ABHD18: variants seen among roughly 807,000 people sequenced by gnomAD.
ABHD18 encodes the protein abhydrolase domain containing 18.
Under a neutral mutation model 65.9 loss-of-function variants are expected in ABHD18, and 55 were observed. The observed-to-expected ratio is 0.84, with a 90% CI of 0.67 to 1.05. ABHD18 has a LOEUF of 1.05. Ranked by LOEUF, ABHD18 falls within the 50% of genes least tolerant of loss-of-function variation. ABHD18 has a pLI of 0.00. For missense variants in ABHD18, 533 were observed against 558.5 expected, an observed-to-expected ratio of 0.95 and a Z score of 0.46; for synonymous variants, 181 against 180.2, an observed-to-expected ratio of 1.00 and a Z score of -0.04.
chr4:127,970,331 G>A (rs141956768), intron 1 of ABHD18, among the ~76,000 whole-genome samples: 4,603 of 152,150 alleles, frequency 0.03, 303 homozygotes, highest in East Asian at 0.27. Context: ...GGTGGCTCAC[G>A]CCTGTAATCC....
intron 3 of ABHD18, among the ~76,000 whole-genome samples, chr4:127,985,543 ATCT>A (rs984869019): frequency 5.3e-5 from 8 of 152,090 alleles, no homozygotes; most frequent in African/African-American, 1.4e-4. Context: ...AAATATTTTT[ATCT>A]TCTTTATTTT....
chr4:128,030,379 G>A (rs72618820), intron 11 of ABHD18, 131 bp from the exon 12 acceptor site: 19,618 of 564,390 alleles, frequency 0.035, 1,631 homozygotes, highest in East Asian at 0.3. Context: ...GATGAGTAAG[G>A]TAGCATATTA....
intron 1 of ABHD18, among the ~76,000 whole-genome samples, chr4:127,970,155 T>C (rs1030703924): frequency 1.3e-5 from 2 of 151,872 alleles, no homozygotes; most frequent in African/African-American, 4.8e-5. Context: ...AGTGCTGGGA[T>C]TGCAGATGTG....
At chr4:127,990,604 C>A (rs1750749187) in intron 4 of ABHD18, among the ~76,000 whole-genome samples, 1 of 151,724 alleles carries the variant, frequency 6.6e-6, no homozygotes, top group Non-Finnish European at 1.5e-5. Context: ...TTACAATGTA[C>A]ATGTGTTGAT....
At chr4:128,016,618 T>C (rs529305942) in intron 7 of ABHD18, among the ~76,000 whole-genome samples, 225 of 152,026 alleles carry the variant, frequency 1.5e-3, no homozygotes, top group African/African-American at 5.2e-3. Flanking sequence ...CTGCTAAAAA[T>C]ACAAAAATTA....
intron 3 of ABHD18, among the ~76,000 whole-genome samples, chr4:127,987,102 C>T (rs1179289984): frequency 1.3e-5 from 2 of 152,128 alleles, no homozygotes; most frequent in Non-Finnish European, 2.9e-5. Context: ...CCTGTAATAT[C>T]AGCACTTTGG....
At chr4:128,027,913 G>A (rs913552558) in intron 10 of ABHD18, among the ~76,000 whole-genome samples, 1 of 152,166 alleles carries the variant, frequency 6.6e-6, no homozygotes, top group African/African-American at 2.4e-5. Context: ...GCAATAAAGT[G>A]TAAGTCATTT....
chr4:127,988,381 C>T (rs904914119), intron 3 of ABHD18, among the ~76,000 whole-genome samples: 7 of 152,092 alleles, frequency 4.6e-5, no homozygotes, highest in African/African-American at 1.7e-4. Flanking sequence ...CAACCACATG[C>T]CACCACGTTC....
chr4:128,034,673 C>CA (rs1457145062), intron 12 of ABHD18, among the ~76,000 whole-genome samples: 2 of 149,836 alleles, frequency 1.3e-5, no homozygotes, highest in Non-Finnish European at 3.0e-5. Context: ...TTTTTTGAAA[C>CA]AGAGTTTCGC....
At chr4:128,007,910 C>T (rs1480610840) in intron 4 of ABHD18, among the ~76,000 whole-genome samples, 1 of 152,156 alleles carries the variant, frequency 6.6e-6, no homozygotes, top group East Asian at 1.9e-4. Flanking sequence ...GATATATCAA[C>T]AGCTTGTACA....
intron 4 of ABHD18, among the ~76,000 whole-genome samples, chr4:128,007,205 G>A (rs1254980024): frequency 6.6e-6 from 1 of 151,966 alleles, no homozygotes; most frequent in Non-Finnish European, 1.5e-5. Flanking sequence ...TGTAGTCCCA[G>A]CTGCTTGGGA....
rs776294243 is a variant in ABHD18, at chr4:128,017,353, G to A, written c.471-10G>A. 3.7e-6 allele frequency: 6 copies of A among 1,605,212 alleles called. No individual in the cohort carries two copies. In the South Asian group the frequency reaches 6.7e-5, roughly 18 times the overall value. ...AAATAATCATTTTCTATTTTGTTTT[G>A]TGAGGCTAGAAGGTCCAGCTTAAAA... On this transcript the variant is annotated splice_polypyrimidine_tract_variant and intron_variant, in intron 7 of 12. Transcript: ENST00000645843.
intron 7 of ABHD18, among the ~76,000 whole-genome samples, chr4:128,017,027 C>T (rs1755633398): frequency 6.6e-6 from 1 of 152,038 alleles, no homozygotes; most frequent in South Asian, 2.1e-4. Flanking sequence ...AAGCGATTTT[C>T]ATGCCTCAGT....
At chr4:128,002,535 C>T (rs1167027171) in intron 4 of ABHD18, among the ~76,000 whole-genome samples, 1 of 149,652 alleles carries the variant, frequency 6.7e-6, no homozygotes, top group Non-Finnish European at 1.5e-5. Context: ...CTGCCTTGGC[C>T]TCCCAAAGTG....
intron 6 of ABHD18, among the ~76,000 whole-genome samples, chr4:128,010,833 T>G (rs1228399668): frequency 6.7e-6 from 1 of 148,704 alleles, no homozygotes; most frequent in African/African-American, 2.5e-5. Flanking sequence ...GAGAATCCCT[T>G]GAACCCAAGA....
rs1271756678 is a variant in ABHD18, at chr4:128,001,770, C to T, written c.279-7150C>T. 1.9e-6 allele frequency: 3 copies of T among 1,543,886 alleles called. No individual in the cohort carries two copies. The East Asian group carries it at 7.4e-5, about 38-fold the overall frequency. On this transcript the variant is annotated intron_variant, in intron 4 of 12. Transcript: ENST00000645843. ...TGATTCTTCTACCTTTGTAGGTAAC[C>T]AGTTATTTCTCTCTAGAAACTTTTG... is the stretch of plus-strand genomic sequence containing the variant.
intron 8 of ABHD18, among the ~76,000 whole-genome samples, chr4:128,018,458 C>T (rs761220715): frequency 3.3e-5 from 5 of 151,994 alleles, no homozygotes; most frequent in Non-Finnish European, 5.9e-5. Context: ...GTAAGACCCA[C>T]CCTGTCTCTA....
intron 4 of ABHD18, chr4:128,001,841 G>GTT: frequency 4.0e-6 from 5 of 1,243,792 alleles, no homozygotes; most frequent in African/African-American, 2.7e-5. Flanking sequence ...GTTTTGTTTT[G>GTT]TTTTGTTTTT....
chr4:128,009,104 T>C lies in ABHD18; in HGVS notation c.358-3T>C, dbSNP rs1204642703. On this transcript the variant is annotated splice_region_variant and splice_polypyrimidine_tract_variant and intron_variant, in intron 5 of 12. Coordinates refer to ENST00000645843, the MANE Select transcript of ABHD18 (RefSeq NM_001358451.3). The stretch of plus-strand genomic sequence containing the variant: ...TTGAGTATGTGTTCTTTTCTTTCCT[T>C]AGCATTACTGGAGGCGACGAACACT... The C allele has an allele frequency of 1.3e-6, 2 of 1,578,896 alleles. No individual in the cohort carries two copies. The highest frequency in any genetic ancestry group is 1.7e-4 in the Middle Eastern group (1 of 6,022).
Sources: gnomAD v4.1 joint callset for allele counts (sites outside exome capture counted in the v4.1 genomes callset) on GRCh38, gnomAD v4.1.1 for gene constraint, MANE v1.5 for transcripts, NCBI Gene and HGNC (gene_info 2026-07-23, HGNC 2026-07-21) for gene names.